HTR4: variants seen among roughly 807,000 people sequenced by gnomAD.
HTR4 encodes 5-hydroxytryptamine receptor 4, also known as 5-hydroxytryptamine (serotonin) receptor 4, G protein-coupled.
In HTR4, 16 loss-of-function variants were observed where a neutral mutation model predicts 36.8. The observed-to-expected ratio is 0.43, with a 90% CI of 0.29 to 0.66. The LOEUF (loss-of-function observed/expected upper bound fraction) is 0.66. Among genes scored for constraint, HTR4 ranks in the 30% least tolerant of loss-of-function variants. The pLI, the probability that HTR4 is intolerant of heterozygous loss-of-function variation, is 0.13. For missense variants in HTR4, 438 were observed against 490.9 expected, an observed-to-expected ratio of 0.89 and a Z score of 1.02; for synonymous variants, 189 against 185.1, an observed-to-expected ratio of 1.02 and a Z score of -0.17.
chr5:148,483,711 G>A (rs1436346502), intron 6 of HTR4, among the ~76,000 whole-genome samples: 1 of 152,056 alleles, frequency 6.6e-6, no homozygotes, highest in East Asian at 1.9e-4. Flanking sequence ...TTGAATTATG[G>A]TACTAGGAAA....
At chr5:148,474,902 C>A (rs574082614), downstream of HTR4, among the ~76,000 whole-genome samples, 1 of 151,942 alleles carries the variant, frequency 6.6e-6, no homozygotes, top group African/African-American at 2.4e-5. Context: ...AAAAATTAGC[C>A]GGGTGTGGAG....
downstream of HTR4, among the ~76,000 whole-genome samples, chr5:148,473,762 C>T (rs1755629877): frequency 6.6e-6 from 1 of 151,986 alleles, no homozygotes; most frequent in Non-Finnish European, 1.5e-5. Flanking sequence ...AAAGCTGAGA[C>T]CCAGAAGGTA....
intron 4 of HTR4, among the ~76,000 whole-genome samples, chr5:148,526,752 T>G (rs1758295834): frequency 6.6e-6 from 1 of 152,112 alleles, no homozygotes; most frequent in African/African-American, 2.4e-5. Flanking sequence ...GAGGACATTA[T>G]GTTAAGTGAA....
chr5:148,483,803 A>C (rs900592642), intron 6 of HTR4, among the ~76,000 whole-genome samples: 2 of 152,132 alleles, frequency 1.3e-5, no homozygotes, highest in African/African-American at 4.8e-5. Context: ...AATGTAGTCA[A>C]ATTCAGTTCA....
At chr5:148,548,976 AG>A in intron 3 of HTR4, 108 bp from the exon 4 acceptor site, 2 of 772,590 alleles carry the variant, frequency 2.6e-6, no homozygotes, top group Non-Finnish European at 4.4e-6. Flanking sequence ...CAAAGAAAGA[AG>A]AAAAGAAGGG....
chr5:148,459,927 A>C (rs566360642), intron 5 of HTR4, among the ~76,000 whole-genome samples: 20 of 152,286 alleles, frequency 1.3e-4, no homozygotes, highest in Admixed American at 2.6e-4. Context: ...CAGATGAGTA[A>C]CGTAAGCAAT....
At chr5:148,595,514 G>A (rs1363831506) in intron 2 of HTR4, among the ~76,000 whole-genome samples, 1 of 152,064 alleles carries the variant, frequency 6.6e-6, no homozygotes, top group African/African-American at 2.4e-5. Context: ...TACCCACCAG[G>A]AGCAAATCAT....
intron 2 of HTR4, among the ~76,000 whole-genome samples, chr5:148,615,558 A>T (rs1477901646): frequency 6.8e-6 from 1 of 146,276 alleles, no homozygotes; most frequent in East Asian, 2.1e-4. Context: ...GAGGGATAGC[A>T]TTGGGAGATA....
chr5:148,606,947 G>C (rs1419367116), intron 2 of HTR4, among the ~76,000 whole-genome samples: 2 of 152,186 alleles, frequency 1.3e-5, no homozygotes, highest in Non-Finnish European at 2.9e-5. Flanking sequence ...GGTTTAATTG[G>C]TAATTGTTTT....
chr5:148,566,421 A>T (rs1437897163), intron 2 of HTR4, among the ~76,000 whole-genome samples: 2 of 152,220 alleles, frequency 1.3e-5, no homozygotes, highest in Middle Eastern at 3.4e-3. Context: ...AGCTTTGAAG[A>T]CTCCAGTGTC....
chr5:148,636,872 A>G (rs1255567374), intron 2 of HTR4, 117 bp downstream of exon 2: 6 of 648,550 alleles, frequency 9.3e-6, no homozygotes, highest in Non-Finnish European at 1.6e-5. Context: ...TATATATGAA[A>G]CATCAAAGAA....
chr5:148,532,163 C>T (rs1758600154), intron 4 of HTR4, among the ~76,000 whole-genome samples: 1 of 152,164 alleles, frequency 6.6e-6, no homozygotes, highest in Non-Finnish European at 1.5e-5. Flanking sequence ...GCACTATGTT[C>T]TGGTGCATCC....
chr5:148,520,317 C>T (rs1402455949), intron 5 of HTR4, among the ~76,000 whole-genome samples: 2 of 152,012 alleles, frequency 1.3e-5, no homozygotes, highest in Non-Finnish European at 2.9e-5. Flanking sequence ...CATTTTAAAC[C>T]GTGATTAAAA....
chr5:148,473,021 T>C (rs1755608547), downstream of HTR4, among the ~76,000 whole-genome samples: 1 of 152,094 alleles, frequency 6.6e-6, no homozygotes, highest in Non-Finnish European at 1.5e-5. Context: ...TAGAAGAGGC[T>C]GGGCGCGGTG....
intron 2 of HTR4, 90 bp downstream of exon 2, chr5:148,636,899 C>A: frequency 1.2e-6 from 1 of 811,742 alleles, no homozygotes; most frequent in South Asian, 1.7e-5. Context: ...CATCCATTAA[C>A]TTTATAACTC....
In HTR4 at chr5:148,482,977, G is replaced by A. The variant is rs1755959328; in HGVS notation, c.*226C>T. On this transcript the variant is annotated 3_prime_UTR_variant, in exon 7 of 7. Coordinates refer to ENST00000377888, the MANE Select transcript of HTR4 (RefSeq NM_000870.7). The stretch of plus-strand genomic sequence containing the variant: ...AGCAGAGAATCTGGGAAGAGGGAGT[G>A]TTGGGAAATAAAAAGTGAACAAGGA... 3.6e-6 allele frequency: 5 copies of A among 1,407,580 alleles called. No individual in the cohort carries two copies. In the Admixed American group the frequency reaches 8.8e-5, roughly 25 times the overall value. The allele number at this position is 1,407,580 out of a possible 1,614,324, so 87.2% of individuals were successfully genotyped here. A position where few individuals can be genotyped will look rare whatever the true frequency, so the allele number is the denominator to read the frequency against.
intron 5 of HTR4, among the ~76,000 whole-genome samples, chr5:148,453,541 G>A (rs1450987847): frequency 6.6e-6 from 1 of 152,192 alleles, no homozygotes; most frequent in Non-Finnish European, 1.5e-5. Flanking sequence ...AACATTCTAG[G>A]TAGAGGGAAC....
In HTR4 at chr5:148,651,569, C is replaced by T. The variant is rs115986296; in HGVS notation, c.-48+2493G>A. Among the ~76,000 whole-genome samples, 734 of 151,850 alleles carry T rather than the reference C, an allele frequency of 4.8e-3. 8 individuals carry two copies. Among genetic ancestry groups the T allele is most frequent in the African/African-American group, 0.017 (696 of 41,380 alleles). On this transcript the variant is annotated intron_variant, in intron 1 of 6. Coordinates refer to ENST00000377888, the MANE Select transcript of HTR4 (RefSeq NM_000870.7). ...GGTTGCTGCTGGCATCTAATGAGTG[C>T]CAGAGATGCTGCTGAACATTCTATG...
chr5:148,466,045 G>T, intron 5 of HTR4: 1 of 1,519,030 alleles, frequency 6.6e-7, no homozygotes, highest in Non-Finnish European at 8.8e-7. Context: ...AAATAAGCTT[G>T]CCAATATTCT....
Sources: gnomAD v4.1 joint callset for allele counts (sites outside exome capture counted in the v4.1 genomes callset) on GRCh38, gnomAD v4.1.1 for gene constraint, MANE v1.5 for transcripts, NCBI Gene and HGNC (gene_info 2026-07-23, HGNC 2026-07-21) for gene names.